The following RETN variants were observed in gnomAD, a reference collection of about 807,000 sequenced individuals.
RETN encodes the protein C/EBP-epsilon regulated myeloid-specific secreted cysteine-rich protein precursor 1.
RETN carries 5 observed loss-of-function variants against 6.1 expected under a neutral mutation model. The ratio of observed to expected loss-of-function variants is 0.82; its 90% CI spans 0.43 to 1.73. The LOEUF (loss-of-function observed/expected upper bound fraction) is 1.73. Ranked by LOEUF, RETN falls within the 40% of genes most tolerant of loss-of-function variation. The probability of loss-of-function intolerance (pLI) is 0.02; values close to 1 mark genes in which losing one functional copy is unlikely to be tolerated. For synonymous variants in RETN, 62 were observed against 59.2 expected (o/e 1.05, Z -0.22); for missense variants, 168 against 142.5 (o/e 1.18, Z -0.91).
chr19:7,669,722 C>A, intron 2 of RETN, 99 bp from the exon 3 acceptor site: 1 of 1,086,600 alleles, frequency 9.2e-7, no homozygotes, highest in South Asian at 1.3e-5. Flanking sequence ...CTCCTATGCC[C>A]ACAGGGACCT....
intron 2 of RETN, 51 bp from the exon 3 acceptor site, chr19:7,669,770 G>A: frequency 1.3e-6 from 2 of 1,527,552 alleles, no homozygotes; most frequent in Non-Finnish European, 1.8e-6. Flanking sequence ...GATGGGGGAG[G>A]GACCGTTTGG....
In RETN at chr19:7,670,203, G is replaced by C. The variant is rs10402265; in HGVS notation, c.197-16G>C. 1,306,675 of 1,591,564 alleles carry C rather than the reference G, an allele frequency of 0.82. 538,155 individuals carry two copies. The highest frequency in any genetic ancestry group is 0.91 in the Admixed American group (53,722 of 58,996). On this transcript the variant is annotated splice_polypyrimidine_tract_variant and intron_variant, in intron 3 of 3. Coordinates refer to ENST00000221515, the MANE Select transcript of RETN (RefSeq NM_020415.4). ...CTCCCAGCTCAGAGTCCACGCTCCT[G>C]TGTTCCGGGCTGCAGGCTTCGCCGT...
Position 7,670,371 on chromosome 19 carries a change from A to T in RETN, c.*22A>T, listed in dbSNP as rs765415122. The stretch of plus-strand genomic sequence containing the variant: ...CTGAGGTCGCGCGCAGCGCGTGCAC[A>T]GCGCGGGCGGAGGCGGCTCCAGGTC... On this transcript the variant is annotated 3_prime_UTR_variant, in exon 4 of 4. Transcript: ENST00000221515. 3.2e-5 allele frequency: 49 copies of T among 1,537,468 alleles called. No homozygotes were observed. Among genetic ancestry groups the T allele is most frequent in the Admixed American group, 3.9e-5 (2 of 51,176 alleles).
chr19:7,669,419 G>C lies in RETN; in HGVS notation c.93G>C (p.Arg31Ser). The change falls in exon 2 of 4, where the codon AGG (arginine) becomes AGC (serine). Residue 31 changes from arginine to serine, a missense_variant. Coordinates refer to ENST00000221515, the MANE Select transcript of RETN (RefSeq NM_020415.4). The stretch of plus-strand genomic sequence containing the variant: ...CCATGGAAGAAGCCATCAATGAGAG[G>C]ATCCAGGAGGTCGCCGGCTCCCTAA... ...LCSMEEAINERIQEVAGSLIF... is the reference protein window; with the variant it reads ...LCSMEEAINESIQEVAGSLIF... The C allele has an allele frequency of 6.2e-7, 1 of 1,613,920 alleles. No homozygotes were observed. The highest frequency in any genetic ancestry group is 8.5e-7 in the Non-Finnish European group (1 of 1,179,926).
intron 2 of RETN, 76 bp from the exon 3 acceptor site, chr19:7,669,745 A>T (rs571839803): frequency 7.3e-7 from 1 of 1,362,100 alleles, no homozygotes; most frequent in East Asian, 2.3e-5. Context: ...CTCCAAACCA[A>T]CAGGGCTAGG....
At position 7,669,462 on chromosome 19, in the gene RETN, G is replaced by C; in HGVS notation, c.118+18G>C. ...CTCCCTAAGTGAGGACCCCCCACTTGGGCAAGCTCCCCAAGGGTCTCAGAG... is the reference window on the plus strand; with the variant it reads ...CTCCCTAAGTGAGGACCCCCCACTTCGGCAAGCTCCCCAAGGGTCTCAGAG... On this transcript the variant is annotated intron_variant, in intron 2 of 3. Coordinates refer to ENST00000221515, the MANE Select transcript of RETN (RefSeq NM_020415.4). 1 of 1,566,930 alleles carries C rather than the reference G, an allele frequency of 6.4e-7. No homozygotes were observed. Among genetic ancestry groups the C allele is most frequent in the African/African-American group, 1.3e-5 (1 of 74,088 alleles).
At chr19:7,670,154 C>A (rs1245356042) in intron 3 of RETN, 65 bp from the exon 4 acceptor site, 3 of 685,838 alleles carry the variant, frequency 4.4e-6, no homozygotes, top group South Asian at 1.5e-5. Context: ...CGCTCCCCAC[C>A]CCCCTCCCGC....
chr19:7,669,790 T>A (rs368811036), intron 2 of RETN, 31 bp from the exon 3 acceptor site: 7 of 1,600,358 alleles, frequency 4.4e-6, no homozygotes, highest in Middle Eastern at 1.7e-4. Context: ...GTCTCACAGC[T>A]CCCCCTGTCT....
chr19:7,670,176 G>A, intron 3 of RETN, 43 bp from the exon 4 acceptor site: 1 of 1,375,756 alleles, frequency 7.3e-7, no homozygotes. Context: ...CCCACCCTCA[G>A]CCTCCCAGCT....
rs542743549 is a variant in RETN at position 7,669,206 on chromosome 19, T to C, written c.-11+85T>C. The C allele has an allele frequency of 2.8e-5, 21 of 760,166 alleles. No homozygotes were observed. In the African/African-American group the frequency reaches 3.5e-4, roughly 13 times the overall value. 47.1% of individuals were successfully genotyped at this position (760,166 alleles called of 1,614,324 possible). On this transcript the variant is annotated intron_variant, in intron 1 of 3. Transcript: ENST00000221515. ...TGAGCCTCCATCCCTGTCCCCCACA[T>C]GGGGGGACAGGGGTCCAGGTCCAGG...
At chr19:7,669,782 C>T (rs1452587219) in intron 2 of RETN, 39 bp from the exon 3 acceptor site, 1 of 1,584,974 alleles carries the variant, frequency 6.3e-7, no homozygotes, top group Non-Finnish European at 8.7e-7. Flanking sequence ...ACCGTTTGGT[C>T]TCACAGCTCC....
At chr19:7,670,448 GATGATGATGAT>G (rs747361376) in exon 4 of RETN, 10 of 1,273,294 alleles carry the variant, frequency 7.9e-6, no homozygotes, top group African/African-American at 3.0e-5. Context: ...TGATGATGAT[GATGATGATGAT>G]GATGGAGCGG....
In RETN at chr19:7,669,380, C is replaced by G; in HGVS notation, c.54C>G (p.Ser18Arg). The change falls in exon 2 of 4, where the codon AGC becomes AGG. Residue 18 changes from serine (S) to arginine (R), a missense_variant. Physicochemically the swap from Ser to Arg is moderately radical, Grantham distance 110. Transcript: ENST00000221515. ...LLPVLGLLVS[S>R]KTLCSMEEAI... Reference sequence around the variant, plus strand: ...CTGTCCTGGGGCTGTTGGTGTCTAGCAAGACCCTGTGCTCCATGGAAGAAG... The same window carrying G: ...CTGTCCTGGGGCTGTTGGTGTCTAGGAAGACCCTGTGCTCCATGGAAGAAG... 6.2e-7 allele frequency: 1 copy of G among 1,613,994 alleles called. No homozygotes were observed. Among genetic ancestry groups the G allele is most frequent in the Non-Finnish European group, 8.5e-7 (1 of 1,179,974 alleles).
In RETN at chr19:7,669,812, G is replaced by T; in HGVS notation, c.119-9G>T. ...AGCTCCCCCTGTCTCCTTTCCTCCT[G>T]CCCCCCAGTATTTAGGGCAATAAGC... On this transcript the variant is annotated splice_polypyrimidine_tract_variant and intron_variant, in intron 2 of 3. Coordinates refer to ENST00000221515, the MANE Select transcript of RETN (RefSeq NM_020415.4). 6 of 1,613,540 alleles carry T rather than the reference G, an allele frequency of 3.7e-6. No homozygotes were observed. The highest frequency in any genetic ancestry group is 3.4e-6 in the Non-Finnish European group (4 of 1,179,564).
At chr19:7,669,755 G>C in intron 2 of RETN, 66 bp from the exon 3 acceptor site, 1 of 1,429,896 alleles carries the variant, frequency 7.0e-7, no homozygotes, top group East Asian at 2.3e-5. Flanking sequence ...ACAGGGCTAG[G>C]GGAGGATGGG....
In RETN at chr19:7,669,417, A is replaced by G. The variant is rs1450004455; in HGVS notation, c.91A>G (p.Arg31Gly). The G allele has an allele frequency of 1.2e-6, 2 of 1,613,876 alleles. No homozygotes were observed. Among genetic ancestry groups the G allele is most frequent in the Non-Finnish European group, 1.7e-6 (2 of 1,179,890 alleles). The change falls in exon 2 of 4, where the codon AGG (arginine) becomes GGG (glycine). Residue 31 changes from arginine (R) to glycine (G), a missense_variant. Coordinates refer to ENST00000221515, the MANE Select transcript of RETN (RefSeq NM_020415.4). The part of the protein sequence containing the change: ...LCSMEEAINE[R>G]IQEVAGSLIF... ...CTCCATGGAAGAAGCCATCAATGAG[A>G]GGATCCAGGAGGTCGCCGGCTCCCT...
At chr19:7,670,451 GATGATGAT>G (rs755702094) in exon 4 of RETN, 8 of 1,279,154 alleles carry the variant, frequency 6.3e-6, no homozygotes, top group African/African-American at 1.5e-5. Flanking sequence ...TGATGATGAT[GATGATGAT>G]GATGGAGCGG....
rs1035187378 is a variant in RETN, at chr19:7,670,315, G to T, written c.293G>T (p.Trp98Leu). 43 of 1,574,062 alleles carry T rather than the reference G, an allele frequency of 2.7e-5. No individual in the cohort carries two copies. Among genetic ancestry groups the T allele is most frequent in the Non-Finnish European group, 3.6e-5 (42 of 1,165,112 alleles). ...CACTGCCAGTGCGCGGGCATGGACT[G>T]GACCGGAGCGCGCTGCTGTCGTGTG... ...TCHCQCAGMD[W>L]TGARCCRVQP The change falls in exon 4 of 4, where the codon TGG becomes TTG. Residue 98 changes from tryptophan to leucine, a missense_variant. By Grantham distance (61) the Trp-to-Leu change is moderately conservative. Coordinates refer to ENST00000221515, the MANE Select transcript of RETN (RefSeq NM_020415.4).
chr19:7,669,265 C>A, intron 1 of RETN, 52 bp from the exon 2 acceptor site: 2 of 1,307,916 alleles, frequency 1.5e-6, no homozygotes, highest in South Asian at 1.2e-5. Context: ...GCCGGATCTT[C>A]CCCACAGGGC....
Sources: allele counts gnomAD v4.1 joint callset, GRCh38; gene constraint gnomAD v4.1.1; transcripts MANE v1.5; gene names NCBI Gene and HGNC (gene_info 2026-07-23, HGNC 2026-07-21).